The following CLASP2 variants were observed in gnomAD, a reference collection of about 807,000 sequenced individuals.
CLASP2 encodes the protein CLIP-associating protein 2.
Under a neutral mutation model 194.4 loss-of-function variants are expected in CLASP2, and 47 were observed. The ratio of observed to expected loss-of-function variants is 0.24; its 90% CI spans 0.19 to 0.31. The LOEUF (loss-of-function observed/expected upper bound fraction) is 0.31. CLASP2 is among the 10% of genes least tolerant of loss of function. The pLI, the probability that CLASP2 is intolerant of heterozygous loss-of-function variation, is 1.00. For synonymous variants in CLASP2, 619 were observed against 633.5 expected, an observed-to-expected ratio of 0.98 and a Z score of 0.34; for missense variants, 1,445 against 1,823.6, an observed-to-expected ratio of 0.79 and a Z score of 3.78.
At chr3:33,607,573 T>C (rs923217447) in intron 14 of CLASP2, 112 bp from the exon 15 acceptor site, 13 of 588,714 alleles carry the variant, frequency 2.2e-5, no homozygotes, top group Non-Finnish European at 3.3e-5. Context: ...GCGAGGAAAA[T>C]AAAAATTAAT....
At chr3:33,574,422 GAAAAA>G in intron 24 of CLASP2, 1 of 1,189,464 alleles carries the variant, frequency 8.4e-7, no homozygotes, top group Non-Finnish European at 1.1e-6. Context: ...ATTGATGAAA[GAAAAA>G]AAAGTTATGG....
chr3:33,582,076 T>C (rs1030682621), intron 22 of CLASP2, 148 bp from the exon 23 acceptor site: 8 of 603,308 alleles, frequency 1.3e-5, no homozygotes, highest in Non-Finnish European at 2.4e-5. Flanking sequence ...TGCTGAAGCA[T>C]TACCAGGAAT....
chr3:33,516,210 T>C, intron 35 of CLASP2, 59 bp from the exon 36 acceptor site: 2 of 1,499,056 alleles, frequency 1.3e-6, no homozygotes, highest in Non-Finnish European at 1.8e-6. Context: ...CTTTAACATT[T>C]TCAATTTTTG....
Position 33,607,397 on chromosome 3 carries a change from C to T in CLASP2, c.1513G>A (p.Val505Met). ...ACACTGACTTACTTTCTTGCCTCCA[C>T]TCTGGCCTCAGCGTCAGCATCATGA... ...GIHDADAEARVEARKTYMGLR... is the reference protein window; with the variant it reads ...GIHDADAEARMEARKTYMGLR... Residue 505 changes from valine to methionine, a missense_variant, in exon 15 of 39, where the codon GTG becomes ATG. Val to Met is a conservative substitution (Grantham distance 21). Coordinates refer to ENST00000682230, the MANE Select transcript of CLASP2 (RefSeq NM_001365631.1). 1 of 1,609,830 alleles carries T rather than the reference C, an allele frequency of 6.2e-7. No individual in the cohort carries two copies. Among genetic ancestry groups the T allele is most frequent in the Non-Finnish European group, 8.5e-7 (1 of 1,178,194 alleles).
intron 17 of CLASP2, 140 bp from the exon 18 acceptor site, chr3:33,603,265 G>T: frequency 1.2e-6 from 1 of 813,486 alleles, no homozygotes; most frequent in Non-Finnish European, 1.8e-6. Flanking sequence ...GTACTATTAA[G>T]CATTTTAAAG....
At chr3:33,686,020 T>C (rs1216729066) in intron 5 of CLASP2, among the ~76,000 whole-genome samples, 2 of 151,366 alleles carry the variant, frequency 1.3e-5, no homozygotes, top group African/African-American at 4.9e-5. Context: ...TTTGCTATAA[T>C]AAAAGGAAAA....
At chr3:33,687,808 C>T (rs2090876381) in intron 4 of CLASP2, among the ~76,000 whole-genome samples, 3 of 152,138 alleles carry the variant, frequency 2.0e-5, no homozygotes, top group Admixed American at 2.0e-4. Context: ...GCAACTACGG[C>T]AGCCAGAACT....
intron 1 of CLASP2, among the ~76,000 whole-genome samples, chr3:33,717,023 T>C (rs1225124874): frequency 6.6e-6 from 1 of 152,154 alleles, no homozygotes; most frequent in Admixed American, 6.5e-5. Context: ...AAATACAAAA[T>C]ATTTACCTGG....
At chr3:33,617,069 G>C (rs2076317058) in intron 12 of CLASP2, among the ~76,000 whole-genome samples, 1 of 148,506 alleles carries the variant, frequency 6.7e-6, no homozygotes, top group Non-Finnish European at 1.5e-5. Context: ...TCTGGATTAA[G>C]GTTGTCTACA....
chr3:33,559,402 G>A lies in CLASP2; in HGVS notation c.2931-17C>T. 1.3e-6 allele frequency: 2 copies of A among 1,526,578 alleles called. No homozygotes were observed. Among genetic ancestry groups the A allele is most frequent in the Non-Finnish European group, 1.8e-6 (2 of 1,119,992 alleles). 94.6% of individuals were successfully genotyped at this position (1,526,578 alleles called of 1,614,324 possible). ...AAAGACTCTCTGAAACAAGAACAAA[G>A]CAAAACGAAACAAAAATTTAGTTAG... On this transcript the variant is annotated splice_polypyrimidine_tract_variant and intron_variant, in intron 28 of 38. Transcript: ENST00000682230.
At chr3:33,626,928 GT>G in intron 10 of CLASP2, 59 bp downstream of exon 10, 2 of 1,041,252 alleles carry the variant, frequency 1.9e-6, no homozygotes, top group Admixed American at 2.3e-5. Context: ...GAATTTCCAT[GT>G]TTTTTAAAAG....
At chr3:33,527,630 C>A (rs1288344800) in intron 34 of CLASP2, among the ~76,000 whole-genome samples, 1 of 152,158 alleles carries the variant, frequency 6.6e-6, no homozygotes, top group Non-Finnish European at 1.5e-5. Context: ...GCCAGCATCA[C>A]AGAATGATAC....
intron 21 of CLASP2, among the ~76,000 whole-genome samples, chr3:33,587,266 C>T (rs908165926): frequency 3.3e-5 from 5 of 152,020 alleles, no homozygotes; most frequent in Non-Finnish European, 7.4e-5. Flanking sequence ...GCTGGGACTA[C>T]AGGCACCCGC....
intron 27 of CLASP2, among the ~76,000 whole-genome samples, chr3:33,564,981 C>T (rs961475731): frequency 4.6e-5 from 7 of 152,094 alleles, no homozygotes; most frequent in African/African-American, 1.7e-4. Flanking sequence ...CCTTGAACTA[C>T]ATGCTTTTAA....
Position 33,496,388 on chromosome 3 carries a change from A to C in CLASP2, c.*2243T>G, listed in dbSNP as rs1009568575. The C allele has an allele frequency of 2.0e-5, 3 of 152,202 alleles. No homozygotes were observed. The highest frequency in any genetic ancestry group is 2.0e-4 in the Admixed American group (3 of 15,274). The allele number at this position is 152,202 out of a possible 1,614,324, so 9.4% of individuals were successfully genotyped here. On this transcript the variant is annotated 3_prime_UTR_variant, in exon 39 of 39. Transcript: ENST00000682230. Reference sequence around the variant, plus strand: ...TTGTGACCATTTTTAAGTAGCTGACATCTCAGTATGTTTCTGGAATGAACA... The same window carrying C: ...TTGTGACCATTTTTAAGTAGCTGACCTCTCAGTATGTTTCTGGAATGAACA...
chr3:33,656,915 C>T (rs1215421999), intron 7 of CLASP2, among the ~76,000 whole-genome samples: 1 of 152,004 alleles, frequency 6.6e-6, no homozygotes, highest in South Asian at 2.1e-4. Flanking sequence ...CAAAGCAAAA[C>T]CATATACTTT....
intron 6 of CLASP2, among the ~76,000 whole-genome samples, chr3:33,673,198 T>G (rs1428301976): frequency 1.3e-5 from 2 of 151,998 alleles, no homozygotes; most frequent in African/African-American, 4.8e-5. Context: ...GAGAGAAAGG[T>G]CGGGTTACCC....
chr3:33,581,932 G>A lies in CLASP2; in HGVS notation c.2240-4C>T, dbSNP rs1280569643. On this transcript the variant is annotated splice_region_variant and splice_polypyrimidine_tract_variant and intron_variant, in intron 22 of 38. Coordinates refer to ENST00000682230, the MANE Select transcript of CLASP2 (RefSeq NM_001365631.1). The stretch of plus-strand genomic sequence containing the variant: ...CGAGGAATACGACTGCTTCGGGCTG[G>A]TGTGAAGCAACAGCAGCACACACAG... The A allele has an allele frequency of 6.2e-7, 1 of 1,600,108 alleles. No individual in the cohort carries two copies. Among genetic ancestry groups the A allele is most frequent in the South Asian group, 1.1e-5 (1 of 90,398 alleles).
intron 12 of CLASP2, among the ~76,000 whole-genome samples, chr3:33,614,597 G>C (rs2075778752): frequency 6.6e-6 from 1 of 152,154 alleles, no homozygotes; most frequent in South Asian, 2.1e-4. Flanking sequence ...GCTTGGTAGT[G>C]GTGGTGGTTG....
Sources: gnomAD v4.1 joint callset for allele counts (sites outside exome capture counted in the v4.1 genomes callset) on GRCh38, gnomAD v4.1.1 for gene constraint, MANE v1.5 for transcripts, NCBI Gene and HGNC (gene_info 2026-07-23, HGNC 2026-07-21) for gene names.